Variants in COL4A5 observed in about 807,000 individuals in gnomAD.
The protein encoded by COL4A5 is collagen alpha-5(IV) chain.
Under a neutral mutation model 130.2 loss-of-function variants are expected in COL4A5, and 26 were observed. The observed-to-expected ratio is 0.20, with a 90% CI of 0.15 to 0.28. The LOEUF (loss-of-function observed/expected upper bound fraction) is 0.28, where lower values mean the gene tolerates loss of function less well. Ranked by LOEUF, COL4A5 falls within the 10% of genes least tolerant of loss-of-function variation. COL4A5 has a pLI of 1.00. For missense variants in COL4A5, 1,131 were observed against 1,344.3 expected, an observed-to-expected ratio of 0.84 and a Z score of 2.48; for synonymous variants, 496 against 439.6, an observed-to-expected ratio of 1.13 and a Z score of -1.60.
rs1491467317 is a variant in COL4A5 at position 108,644,920 on chromosome X, A to AAC, written c.3247-10410_3247-10409insCA. On this transcript the variant is annotated intron_variant, in intron 36 of 52. Coordinates refer to ENST00000328300, the MANE Select transcript of COL4A5 (RefSeq NM_033380.3). ...GTCTCCAAACAACAACAACAACAAC[A>AAC]AAAAAAAAAAAAAAAAAGAAAGCAA... 3.9e-5 allele frequency among the ~76,000 whole-genome samples: 3 copies of AAC among 77,550 alleles called. No individual in the cohort carries two copies. In the Admixed American group the frequency reaches 4.2e-4, roughly 11 times the overall value. The allele number at this position is 77,550 out of a possible 115,157, so 67.3% of individuals were successfully genotyped here.
intron 26 of COL4A5, 55 bp from the exon 27 acceptor site, chrX:108,601,830 C>T: frequency 1.3e-6 from 1 of 742,877 alleles, no homozygotes; most frequent in Admixed American, 2.6e-5. Context: ...GCACCTGGCC[C>T]TGATGGCTTC....
intron 40 of COL4A5, 124 bp from the exon 41 acceptor site, chrX:108,668,195 G>A: frequency 1.6e-6 from 1 of 627,395 alleles, no homozygotes; most frequent in South Asian, 2.6e-5. Flanking sequence ...TTTGGGATTT[G>A]GTAGGAGATA....
At chrX:108,485,296 C>T (rs184090169) in intron 1 of COL4A5, among the ~76,000 whole-genome samples, 121 of 112,060 alleles carry the variant, frequency 1.1e-3, no homozygotes, top group African/African-American at 3.5e-3. Context: ...TTGTACCCCA[C>T]TGTGGCAGAG....
At chrX:108,677,420 G>C in intron 43 of COL4A5, 80 bp from the exon 44 acceptor site, 3 of 982,355 alleles carry the variant, frequency 3.1e-6, no homozygotes, top group Non-Finnish European at 4.2e-6. Flanking sequence ...ATAGGAAGAT[G>C]ACTGATATTT....
At chrX:108,463,153 T>TA (rs924750989) in intron 1 of COL4A5, among the ~76,000 whole-genome samples, 3 of 111,297 alleles carry the variant, frequency 2.7e-5, no homozygotes, top group Non-Finnish European at 3.8e-5. Context: ...TCCTTCTTAG[T>TA]AAAAAAAAGG....
At chrX:108,547,389 G>A (rs780356055) in intron 2 of COL4A5, among the ~76,000 whole-genome samples, 3 of 112,005 alleles carry the variant, frequency 2.7e-5, no homozygotes, top group African/African-American at 3.3e-5. Context: ...GACCCTGTTT[G>A]CATGGGTATC....
chrX:108,545,780 A>G (rs1189979514), intron 2 of COL4A5, among the ~76,000 whole-genome samples: 1 of 110,971 alleles, frequency 9.0e-6, no homozygotes, highest in African/African-American at 3.3e-5. Context: ...TGCTTTATGA[A>G]TCTGGGTGCT....
At chrX:108,677,769 GAC>G in intron 44 of COL4A5, 136 bp downstream of exon 44, 1 of 787,666 alleles carries the variant, frequency 1.3e-6, no homozygotes. Context: ...GAATTAAAAA[GAC>G]AGTAGAAGGC....
intron 1 of COL4A5, among the ~76,000 whole-genome samples, chrX:108,508,768 C>A (rs1038339226): frequency 9.0e-6 from 1 of 110,846 alleles, no homozygotes; most frequent in African/African-American, 3.3e-5. Context: ...CACTCTGCAA[C>A]CATCTGATTT....
intron 34 of COL4A5, 45 bp downstream of exon 34, chrX:108,624,379 A>C (rs747540192): frequency 3.7e-5 from 33 of 897,748 alleles, no homozygotes; most frequent in Non-Finnish European, 1.6e-6. Flanking sequence ...GCTGACACTG[A>C]ATTCTGGATA....
Position 108,606,592 on chromosome X carries a change from C to T in COL4A5, c.2245-150C>T. 8.5e-6 allele frequency: 5 copies of T among 590,206 alleles called. No homozygotes were observed. The South Asian group carries it at 1.3e-4, about 15-fold the overall frequency. 48.6% of individuals were successfully genotyped at this position (590,206 alleles called of 1,213,427 possible). ...CTTCCATATGTTTTCTCCAACATAC[C>T]AATTACTTTTTATTTAATTATCTTC... On this transcript the variant is annotated intron_variant, in intron 28 of 52. Coordinates refer to ENST00000328300, the MANE Select transcript of COL4A5 (RefSeq NM_033380.3).
At chrX:108,526,644 CTT>C (rs1192063838) in intron 1 of COL4A5, among the ~76,000 whole-genome samples, 48 of 56,067 alleles carry the variant, frequency 8.6e-4, no homozygotes, top group African/African-American at 4.2e-3. Context: ...TTCTTTCTTT[CTT>C]TCTTTCTTTC....
chrX:108,482,631 T>A (rs1363915071), intron 1 of COL4A5, among the ~76,000 whole-genome samples: 5 of 111,824 alleles, frequency 4.5e-5, no homozygotes, highest in Admixed American at 1.9e-4. Flanking sequence ...GCCCTCACTT[T>A]AACAGTAGCC....
At chrX:108,501,875 T>C (rs190770671) in intron 1 of COL4A5, among the ~76,000 whole-genome samples, 8 of 112,629 alleles carry the variant, frequency 7.1e-5, no homozygotes, top group African/African-American at 2.6e-4. Flanking sequence ...TCTTCATGTT[T>C]CTTTATTTCC....
At chrX:108,549,910 C>T (rs1423380245) in intron 2 of COL4A5, among the ~76,000 whole-genome samples, 1 of 111,283 alleles carries the variant, frequency 9.0e-6, no homozygotes, top group African/African-American at 3.3e-5. Context: ...AATTTGACAG[C>T]TTAGGTGAAA....
chrX:108,616,527 C>T (rs1054573576), intron 30 of COL4A5, among the ~76,000 whole-genome samples: 8 of 111,204 alleles, frequency 7.2e-5, no homozygotes, highest in East Asian at 2.8e-4. Context: ...TGAGCCACTG[C>T]GCCCGGCCCC....
chrX:108,681,237 G>C (rs1005628217), intron 46 of COL4A5, among the ~76,000 whole-genome samples: 1 of 111,194 alleles, frequency 9.0e-6, no homozygotes, highest in African/African-American at 3.3e-5. Flanking sequence ...CAATTGAACA[G>C]ATCACAAGAG....
At chrX:108,609,463 G>A (rs1447352398) in intron 29 of COL4A5, among the ~76,000 whole-genome samples, 1 of 111,772 alleles carries the variant, frequency 8.9e-6, no homozygotes, top group Admixed American at 9.5e-5. Flanking sequence ...AGTTGGAAGT[G>A]TTATTTCTAT....
chrX:108,602,576 A>G (rs1180060199), intron 27 of COL4A5, among the ~76,000 whole-genome samples: 3 of 112,334 alleles, frequency 2.7e-5, no homozygotes, highest in East Asian at 5.6e-4. Flanking sequence ...GTATGTATCT[A>G]TAATATCTGC....
Sources: allele counts gnomAD v4.1 joint callset (sites outside exome capture counted in the v4.1 genomes callset), GRCh38; gene constraint gnomAD v4.1.1; transcripts MANE v1.5; gene names NCBI Gene and HGNC (gene_info 2026-07-23, HGNC 2026-07-21).